Variants in CTC1 observed in about 807,000 individuals in gnomAD.
CTC1 encodes the protein CST complex subunit CTC1.
Under a neutral mutation model 136.3 loss-of-function variants are expected in CTC1, and 91 were observed. The observed-to-expected ratio is 0.67, with a 90% CI of 0.56 to 0.79. The LOEUF (loss-of-function observed/expected upper bound fraction) is 0.79, where lower values mean the gene tolerates loss of function less well. Among genes scored for constraint, CTC1 ranks in the 30% least tolerant of loss-of-function variants. The pLI, the probability that CTC1 is intolerant of heterozygous loss-of-function variation, is 0.00. For synonymous variants in CTC1, 606 were observed against 613.8 expected (o/e 0.99, Z 0.19); for missense variants, 1,432 against 1,498.1 (o/e 0.96, Z 0.73).
chr17:8,233,893 C>T (rs1040078275), intron 10 of CTC1, among the ~76,000 whole-genome samples: 4 of 151,720 alleles, frequency 2.6e-5, no homozygotes, highest in African/African-American at 9.7e-5. Context: ...GCCATGATCG[C>T]GCCAATGCAC....
intron 2 of CTC1, among the ~76,000 whole-genome samples, chr17:8,240,147 G>T (rs114936743): frequency 2.7e-5 from 4 of 146,900 alleles, no homozygotes; most frequent in African/African-American, 4.9e-5. Flanking sequence ...CAACCAGAGA[G>T]AACTGTCTCT....
At chr17:8,230,932 C>T (rs967258091) in intron 15 of CTC1, 5 of 498,602 alleles carry the variant, frequency 1.0e-5, no homozygotes, top group Admixed American at 3.5e-5. Flanking sequence ...AGGTCAAGAA[C>T]TCAAGACCAG....
chr17:8,229,464 G>T lies in CTC1; in HGVS notation c.3012-18C>A. 6.2e-7 allele frequency: 1 copy of T among 1,609,234 alleles called. No homozygotes were observed. The highest frequency in any genetic ancestry group is 1.1e-5 in the South Asian group (1 of 90,854). ...GGGGAATGCTAAATAAATACAGGGA[G>T]ACAGAGACAGGGGTCAAGATAACAG... On this transcript the variant is annotated intron_variant, in intron 18 of 22. Coordinates refer to ENST00000651323, the MANE Select transcript of CTC1 (RefSeq NM_025099.6).
rs986375644 is a variant in CTC1 at position 8,226,627 on chromosome 17, G to A, written c.*1553C>T. On this transcript the variant is annotated 3_prime_UTR_variant, in exon 23 of 23. Coordinates refer to ENST00000651323, the MANE Select transcript of CTC1 (RefSeq NM_025099.6). ...AAATATGACGTAGTCGGCAGGATTC[G>A]AACCTGCGCGGGGAGACCCCAATGG... 2.0e-5 allele frequency: 3 copies of A among 151,700 alleles called. No homozygotes were observed. Among genetic ancestry groups the A allele is most frequent in the Non-Finnish European group, 4.4e-5 (3 of 68,032 alleles). 9.4% of individuals were successfully genotyped at this position (151,700 alleles called of 1,614,324 possible).
In CTC1 at chr17:8,225,763, G is replaced by C. The variant is rs886665632; in HGVS notation, c.*2417C>G. On this transcript the variant is annotated 3_prime_UTR_variant, in exon 23 of 23. Transcript: ENST00000651323. ...ACTGCAAGTGAAAGACCAGTTAGAG[G>C]ACCGCATCTGGAAGCTGTGCCAAAT... The C allele has an allele frequency of 6.6e-6, 1 of 152,054 alleles. No individual in the cohort carries two copies. The highest frequency in any genetic ancestry group is 2.4e-5 in the African/African-American group (1 of 41,390). 9.4% of individuals were successfully genotyped at this position (152,054 alleles called of 1,614,324 possible).
chr17:8,229,325 A>G lies in CTC1; in HGVS notation c.3133T>C (p.Tyr1045His), dbSNP rs1987008813. The G allele has an allele frequency of 1.2e-6, 2 of 1,614,072 alleles. No homozygotes were observed. The highest frequency in any genetic ancestry group is 1.3e-5 in the African/African-American group (1 of 74,920). The change falls in exon 19 of 23, where the codon TAT becomes CAT. Residue 1045 changes from tyrosine (Y) to histidine (H), a missense_variant. Tyr to His is a moderately conservative substitution (Grantham distance 83). Coordinates refer to ENST00000651323, the MANE Select transcript of CTC1 (RefSeq NM_025099.6). ...ACCTGCCGGCAGATGCTGGTACAAT[A>G]AGCACACACCCAGAAGAGCTGAAGG... ...FSLQLFWVCA[Y>H]CTSICRQGKC... is the part of the protein sequence containing the mutation.
Position 8,229,892 on chromosome 17 carries a change from T to C in CTC1, c.3010A>G (p.Ser1004Gly). Residue 1004 changes from serine (S) to glycine (G), a missense_variant and splice_region_variant, in exon 18 of 23, where the codon AGC (serine) becomes GGC (glycine). Physicochemically the swap from Ser to Gly is moderately conservative, Grantham distance 56. Coordinates refer to ENST00000651323, the MANE Select transcript of CTC1 (RefSeq NM_025099.6). ...AGGGGTTGGGGTCTGGGCACTGACC[T>C]GATGGTGGTCTCAGGGGGAAAACTC... is the stretch of plus-strand genomic sequence containing the variant. ...VLSFPPETTI[S>G]IPLPHIYLAE... is the part of the protein sequence containing the mutation. 6.2e-7 allele frequency: 1 copy of C among 1,613,860 alleles called. No individual in the cohort carries two copies. The highest frequency in any genetic ancestry group is 8.5e-7 in the Non-Finnish European group (1 of 1,179,776).
rs189539795 is a variant in CTC1 at position 8,231,476 on chromosome 17, G to A, written c.2476-7C>T. On this transcript the variant is annotated splice_polypyrimidine_tract_variant and splice_region_variant and intron_variant, in intron 14 of 22. Coordinates refer to ENST00000651323, the MANE Select transcript of CTC1 (RefSeq NM_025099.6). ...TTTCAAACAACATTGGTGTCTGCAC[G>A]GAAATGGGAAGACGACTGCCTGTGA... 2.8e-5 allele frequency: 45 copies of A among 1,590,540 alleles called. No individual in the cohort carries two copies. The African/African-American group carries it at 3.4e-4, about 12-fold the overall frequency.
At position 8,228,081 on chromosome 17, in the gene CTC1, G is replaced by A. The variant is rs1986868976; in HGVS notation, c.*99C>T. 2.5e-6 allele frequency: 3 copies of A among 1,193,318 alleles called. No homozygotes were observed. Among genetic ancestry groups the A allele is most frequent in the Non-Finnish European group, 3.6e-6 (3 of 827,754 alleles). 73.9% of individuals were successfully genotyped at this position (1,193,318 alleles called of 1,614,324 possible). The stretch of plus-strand genomic sequence containing the variant: ...TGGAGTAGCAGTTTGTGAATCTGGA[G>A]TCCTTGGTTCAATCACAGAACAAGT... On this transcript the variant is annotated 3_prime_UTR_variant, in exon 23 of 23. Coordinates refer to ENST00000651323, the MANE Select transcript of CTC1 (RefSeq NM_025099.6).
chr17:8,232,244 G>A lies in CTC1; in HGVS notation c.2061-17C>T. On this transcript the variant is annotated splice_polypyrimidine_tract_variant and intron_variant, in intron 12 of 22. Coordinates refer to ENST00000651323, the MANE Select transcript of CTC1 (RefSeq NM_025099.6). ...ACATAGACTCTGTTGGGAGAGACAA[G>A]GAATACATTTCTTAGTGATGCAGGC... 1.3e-6 allele frequency: 2 copies of A among 1,538,338 alleles called. No homozygotes were observed. Among genetic ancestry groups the A allele is most frequent in the Non-Finnish European group, 1.7e-6 (2 of 1,145,352 alleles).
chr17:8,225,006 T>G lies in CTC1; in HGVS notation c.*3174A>C, dbSNP rs1986517657. ...GCGCCTGCCACCACGCCTGGCTAAT[T>G]TTTTGCATTTTTAGTAGAGACGAGG... On this transcript the variant is annotated 3_prime_UTR_variant, in exon 23 of 23. Transcript: ENST00000651323. 6.6e-6 allele frequency: 1 copy of G among 152,066 alleles called. No individual in the cohort carries two copies. Among genetic ancestry groups the G allele is most frequent in the African/African-American group, 2.4e-5 (1 of 41,402 alleles). The allele number at this position is 152,066 out of a possible 1,614,324, so 9.4% of individuals were successfully genotyped here. A position where few individuals can be genotyped will look rare whatever the true frequency, so the allele number is the denominator to read the frequency against.
In CTC1 at chr17:8,236,334, G is replaced by T. The variant is rs1315304468; in HGVS notation, c.801C>A (p.Ala267=). ...THVSIIVQVP[A]QLVWHRALRP... ...GAAGGGCTCTGTGCCACACCAGCTG[G>T]GCAGGGACCTGGCTTGTGCAGAGAC... Residue 267 remains alanine (A), a synonymous_variant, in exon 6 of 23, where the codon GCC becomes GCA. Transcript: ENST00000651323. 3 of 1,606,278 alleles carry T rather than the reference G, an allele frequency of 1.9e-6. No homozygotes were observed. Among genetic ancestry groups the T allele is most frequent in the Middle Eastern group, 1.7e-4 (1 of 6,042 alleles).
rs778339506 is a variant in CTC1, at chr17:8,230,442, C to T, written c.2785G>A (p.Val929Met). Residue 929 changes from valine (V) to methionine (M), a missense_variant, in exon 17 of 23, where the codon GTG becomes ATG. By Grantham distance (21) the Val-to-Met change is conservative. Transcript: ENST00000651323. Reference sequence around the variant, plus strand: ...GTCTCAAGAGCGACTGTTAGCTTCACACACCTTCTCATGGCCCCCGTGTTC... The same window carrying T: ...GTCTCAAGAGCGACTGTTAGCTTCATACACCTTCTCATGGCCCCCGTGTTC... ...LGNTGAMRRC[V>M]KLTVALETAE... The T allele has an allele frequency of 7.4e-6, 12 of 1,614,028 alleles. No individual in the cohort carries two copies. In the East Asian group the frequency reaches 2.7e-4, roughly 36 times the overall value.
chr17:8,233,957 G>A (rs1325504979), intron 10 of CTC1, among the ~76,000 whole-genome samples: 1 of 152,120 alleles, frequency 6.6e-6, no homozygotes. Context: ...ATTTAAACAA[G>A]AGAGTTCTGT....
intron 1 of CTC1, among the ~76,000 whole-genome samples, chr17:8,245,306 A>G (rs913043118): frequency 6.6e-6 from 1 of 151,914 alleles, no homozygotes; most frequent in Non-Finnish European, 1.5e-5. Flanking sequence ...AGTTAAAAGG[A>G]AAAAAAAGTC....
intron 15 of CTC1, 120 bp from the exon 16 acceptor site, chr17:8,230,771 T>C: frequency 2.9e-5 from 23 of 784,438 alleles, no homozygotes; most frequent in Non-Finnish European, 4.5e-5. Context: ...TATAAAGTCC[T>C]GAAAAAACCT....
At chr17:8,247,230 G>C (rs1988807682) in intron 1 of CTC1, among the ~76,000 whole-genome samples, 2 of 149,618 alleles carry the variant, frequency 1.3e-5, no homozygotes, top group African/African-American at 4.9e-5. Flanking sequence ...CTGAACTTTT[G>C]AGTTTTTCAG....
intron 2 of CTC1, 63 bp from the exon 3 acceptor site, chr17:8,238,692 A>C: frequency 8.7e-7 from 1 of 1,142,926 alleles, no homozygotes; most frequent in Non-Finnish European, 1.2e-6. Context: ...GGCAACCCTC[A>C]ACCCTGATAA....
chr17:8,241,974 A>G (rs2151541984), intron 2 of CTC1, among the ~76,000 whole-genome samples: 1 of 152,164 alleles, frequency 6.6e-6, no homozygotes, highest in South Asian at 2.1e-4. Context: ...CATGTGTAGT[A>G]AAACTATTAA....
Sources: gnomAD v4.1 joint callset for allele counts (sites outside exome capture counted in the v4.1 genomes callset) on GRCh38, gnomAD v4.1.1 for gene constraint, MANE v1.5 for transcripts, NCBI Gene and HGNC (gene_info 2026-07-23, HGNC 2026-07-21) for gene names.